Variants in RSRC2 observed in about 807,000 individuals in gnomAD.
The protein encoded by RSRC2 is arginine and serine rich coiled-coil 2.
In RSRC2, 5 loss-of-function variants were observed where a neutral mutation model predicts 61.3. The ratio of observed to expected loss-of-function variants is 0.08; its 90% confidence interval spans 0.04 to 0.17. The LOEUF is 0.17. RSRC2 is among the 10% of genes least tolerant of loss of function. The pLI is 1.00. For missense variants in RSRC2, 381 were observed against 518.8 expected (o/e 0.73, Z 2.58); for synonymous variants, 202 against 166.5 (o/e 1.21, Z -1.64).
intron 6 of RSRC2, chr12:122,514,581 TAAAAAA>T: frequency 2.2e-6 from 2 of 915,378 alleles, no homozygotes; most frequent in Non-Finnish European, 2.6e-6. Flanking sequence ...AGCAGAAAAT[TAAAAAA>T]AAAAAAAAAA....
Position 122,519,045 on chromosome 12 carries a change from G to A in RSRC2, c.208-16C>T, listed in dbSNP as rs1462980393. The A allele has an allele frequency of 6.2e-7, 1 of 1,610,536 alleles. No individual in the cohort carries two copies. The highest frequency in any genetic ancestry group is 8.5e-7 in the Non-Finnish European group (1 of 1,178,492). ...GTCTTCTTCCCTGTTTTAAGAAGAAGTTGGTTCTTTCAGGAAAATAGTGCA... is the reference window on the plus strand; with the variant it reads ...GTCTTCTTCCCTGTTTTAAGAAGAAATTGGTTCTTTCAGGAAAATAGTGCA... On this transcript the variant is annotated splice_polypyrimidine_tract_variant and intron_variant, in intron 3 of 9. Coordinates refer to ENST00000331738, the MANE Select transcript of RSRC2 (RefSeq NM_023012.6).
At chr12:122,508,482 C>G in intron 7 of RSRC2, 35 bp from the exon 8 acceptor site, 1 of 1,505,378 alleles carries the variant, frequency 6.6e-7, no homozygotes, top group Non-Finnish European at 9.1e-7. Context: ...GATTTTAAAA[C>G]GATTTTAAAA....
rs554069430 is a variant in RSRC2, at chr12:122,517,284, G to C, written c.545C>G (p.Ser182Ter). Reference protein sequence around the residue: ...RKRRIRSRSRSRSRHRHRTRS... With the variant: ...RKRRIRSRSR ...AGTCCTATGCCTGTGTCTTGATCTT[G>C]AGCGGGAACGAGACCTGATCCGCCG... The change falls in exon 5 of 10, where the codon TCA (serine) becomes TGA (stop). Residue 182 changes from serine (S) to a stop codon, truncating the protein, a stop_gained. Coordinates refer to ENST00000331738, the MANE Select transcript of RSRC2 (RefSeq NM_023012.6). LOFTEE classifies it high-confidence loss of function. The C allele has an allele frequency of 6.2e-7, 1 of 1,614,002 alleles. No homozygotes were observed. Among genetic ancestry groups the C allele is most frequent in the South Asian group, 1.1e-5 (1 of 91,056 alleles).
chr12:122,514,972 C>G (rs949721993), intron 6 of RSRC2, 133 bp downstream of exon 6: 79 of 995,198 alleles, frequency 7.9e-5, no homozygotes, highest in Non-Finnish European at 1.2e-4. Context: ...TTACATAGTT[C>G]TAGATCACAA....
At chr12:122,524,809 A>G (rs1187586319) in intron 1 of RSRC2, among the ~76,000 whole-genome samples, 1 of 152,254 alleles carries the variant, frequency 6.6e-6, no homozygotes, top group African/African-American at 2.4e-5. Flanking sequence ...GAAATTTTCT[A>G]AGCTTTAATT....
intron 1 of RSRC2, chr12:122,523,751 G>C (rs1212931345): frequency 6.6e-6 from 1 of 152,122 alleles, no homozygotes; most frequent in Non-Finnish European, 1.5e-5. Context: ...TTTTAAACAA[G>C]TATCAAGTAC....
chr12:122,521,174 T>G (rs991776199), intron 3 of RSRC2: 1 of 443,148 alleles, frequency 2.3e-6, no homozygotes, highest in Non-Finnish European at 4.0e-6. Flanking sequence ...ATTTTCACAA[T>G]ATAATAAAAT....
intron 2 of RSRC2, 144 bp from the exon 3 acceptor site, chr12:122,521,572 T>C: frequency 2.9e-6 from 2 of 679,646 alleles, no homozygotes; most frequent in South Asian, 3.4e-5. Flanking sequence ...GGGATTATTC[T>C]ACATTAATAC....
chr12:122,508,600 A>G, intron 7 of RSRC2, 153 bp from the exon 8 acceptor site: 1 of 634,120 alleles, frequency 1.6e-6, no homozygotes, highest in South Asian at 2.0e-5. Flanking sequence ...TTAGCTCACA[A>G]GTTTTTAGCA....
chr12:122,512,949 T>C (rs960767228), intron 6 of RSRC2, among the ~76,000 whole-genome samples: 3 of 151,952 alleles, frequency 2.0e-5, no homozygotes, highest in Non-Finnish European at 2.9e-5. Flanking sequence ...TCCTAGCACT[T>C]TGGGAGGCCA....
chr12:122,508,040 C>A (rs368629852), intron 8 of RSRC2, 178 bp downstream of exon 8: 2 of 668,882 alleles, frequency 3.0e-6, no homozygotes, highest in Non-Finnish European at 2.7e-6. Context: ...CTTACCTCAA[C>A]TGATCCGCTC....
At chr12:122,513,200 TAAATAAA>T (rs1958652079) in intron 6 of RSRC2, among the ~76,000 whole-genome samples, 1 of 38,688 alleles carries the variant, frequency 2.6e-5, no homozygotes, top group Non-Finnish European at 6.2e-5. Flanking sequence ...GTCTCAAAAA[TAAATAAA>T]TAAATAAATA....
chr12:122,522,411 G>A, intron 1 of RSRC2, 112 bp from the exon 2 acceptor site: 2 of 1,019,600 alleles, frequency 2.0e-6, no homozygotes, highest in Non-Finnish European at 2.8e-6. Flanking sequence ...CAATAAATCA[G>A]AATGCCTGCT....
chr12:122,514,754 TAAAGGA>T (rs1478086810), intron 6 of RSRC2: 1 of 1,128,056 alleles, frequency 8.9e-7, no homozygotes, highest in African/African-American at 1.6e-5. Flanking sequence ...AAACAAAAAG[TAAAGGA>T]AAAGTCATCT....
chr12:122,526,824 T>G (rs923609479), intron 1 of RSRC2, 24 bp downstream of exon 1: 2 of 1,614,072 alleles, frequency 1.2e-6, no homozygotes, highest in African/African-American at 2.7e-5. Flanking sequence ...TATCCCTGGC[T>G]TTAAACTCAG....
chr12:122,511,140 A>G lies in RSRC2; in HGVS notation c.774T>C (p.Val258=), dbSNP rs1565890997. The change falls in exon 7 of 10, where the codon GTT becomes GTC. Residue 258 remains valine, a synonymous_variant. Transcript: ENST00000331738. ...KLQEQREKEM[V]EKQKQQEIAA... ...CTATTTCTTGTTGTTTTTGTTTTTC[A>G]ACCATTTCCTTTTCTCGCTGTTCTT... The G allele has an allele frequency of 6.2e-7, 1 of 1,607,686 alleles. No homozygotes were observed. The highest frequency in any genetic ancestry group is 8.5e-7 in the Non-Finnish European group (1 of 1,179,338).
rs913046352 is a variant in RSRC2 at position 122,503,512 on chromosome 12, G to A, written c.*2015C>T. ...GCTCTAGATGAGCAAAGTACAGGCT[G>A]TATCACTCATCATGTATGGTCAGCT... is the stretch of plus-strand genomic sequence containing the variant. On this transcript the variant is annotated 3_prime_UTR_variant, in exon 10 of 10. Coordinates refer to ENST00000331738, the MANE Select transcript of RSRC2 (RefSeq NM_023012.6). 4 of 152,210 alleles carry A rather than the reference G, an allele frequency of 2.6e-5. No individual in the cohort carries two copies. The highest frequency in any genetic ancestry group is 5.9e-5 in the Non-Finnish European group (4 of 68,038). 9.4% of individuals were successfully genotyped at this position (152,210 alleles called of 1,614,324 possible).
Position 122,504,646 on chromosome 12 carries a change from A to AG in RSRC2, c.*880_*881insC. ...CTGTCTCAAAAAAACAAACAAAAAA[A>AG]ATTTCTAATATTTTAATATTTTATA... On this transcript the variant is annotated 3_prime_UTR_variant, in exon 10 of 10. Coordinates refer to ENST00000331738, the MANE Select transcript of RSRC2 (RefSeq NM_023012.6). 6.5e-6 allele frequency: 1 copy of AG among 152,714 alleles called. No homozygotes were observed. The highest frequency in any genetic ancestry group is 2.1e-4 in the South Asian group (1 of 4,826). 9.5% of individuals were successfully genotyped at this position (152,714 alleles called of 1,614,324 possible). A position where few individuals can be genotyped will look rare whatever the true frequency, so the allele number is the denominator to read the frequency against.
rs773426962 is a variant in RSRC2, at chr12:122,511,097, GA to G, written c.805+11del. 9 of 1,581,216 alleles carry G rather than the reference GA, an allele frequency of 5.7e-6. No individual in the cohort carries two copies. The highest frequency in any genetic ancestry group is 2.3e-5 in the South Asian group (2 of 88,802). On this transcript the variant is annotated intron_variant, in intron 7 of 9. Coordinates refer to ENST00000331738, the MANE Select transcript of RSRC2 (RefSeq NM_023012.6). ...CAAATCGAGATGACTAAAAAAGAAT[GA>G]AAAAAATTACCTGCAGCTATTTCTT...
Sources: allele counts gnomAD v4.1 joint callset (sites outside exome capture counted in the v4.1 genomes callset), GRCh38; gene constraint gnomAD v4.1.1; transcripts MANE v1.5; gene names NCBI Gene and HGNC (gene_info 2026-07-23, HGNC 2026-07-21).